Variants in DLGAP1 observed in about 807,000 individuals in gnomAD.
DLGAP1 encodes disks large-associated protein 1.
A neutral mutation model predicts 90.8 loss-of-function variants in DLGAP1; 11 were observed. The observed-to-expected ratio is 0.12, with a 90% CI of 0.08 to 0.20. DLGAP1 has a LOEUF of 0.20. Ranked by LOEUF, DLGAP1 falls within the 10% of genes least tolerant of loss-of-function variation. The pLI is 1.00. For missense variants in DLGAP1, 1,050 were observed against 1,333.8 expected, an observed-to-expected ratio of 0.79 and a Z score of 3.31; for synonymous variants, 558 against 540.7, an observed-to-expected ratio of 1.03 and a Z score of -0.44.
At chr18:4,373,551 C>A (rs757534375) in intron 1 of DLGAP1, among the ~76,000 whole-genome samples, 6 of 152,196 alleles carry the variant, frequency 3.9e-5, no homozygotes, top group Non-Finnish European at 7.3e-5. Context: ...TGCATCTGCA[C>A]ACACATAAGC....
intron 1 of DLGAP1, among the ~76,000 whole-genome samples, chr18:4,256,617 G>A (rs1740572998): frequency 1.3e-5 from 2 of 151,824 alleles, no homozygotes; most frequent in African/African-American, 2.4e-5. Flanking sequence ...TCATACATAC[G>A]TGCTGAAGTT....
intron 1 of DLGAP1, among the ~76,000 whole-genome samples, chr18:4,209,780 G>A (rs2077803603): frequency 6.6e-6 from 1 of 152,126 alleles, no homozygotes; most frequent in African/African-American, 2.4e-5. Context: ...TATGTTAGGT[G>A]GAGTGAATAT....
In DLGAP1 at chr18:3,711,920, T is replaced by C. The variant is rs559562458; in HGVS notation, c.1591+17215A>G. Among the ~76,000 whole-genome samples, 1 of 150,052 alleles carries C rather than the reference T, an allele frequency of 6.7e-6. No individual in the cohort carries two copies. The highest frequency in any genetic ancestry group is 2.5e-5 in the African/African-American group (1 of 40,726). On this transcript the variant is annotated intron_variant, in intron 7 of 12. Coordinates refer to ENST00000315677, the MANE Select transcript of DLGAP1 (RefSeq NM_004746.4). This position sits in a 1 kb window ranked among gnomAD's most constrained non-coding sequence, Gnocchi z 4.0. Reference sequence around the variant, plus strand: ...GAGGTTGTGGTTTAGGGATGGGGAGTGTGGGGATGGGCTGTGGGAAGGGAG... The same window carrying C: ...GAGGTTGTGGTTTAGGGATGGGGAGCGTGGGGATGGGCTGTGGGAAGGGAG...
chr18:3,548,951 T>C (rs943500188), intron 9 of DLGAP1, among the ~76,000 whole-genome samples: 9 of 152,120 alleles, frequency 5.9e-5, no homozygotes, highest in African/African-American at 2.2e-4. Context: ...GCAGGGGAAT[T>C]GCTTGAACCT....
chr18:3,981,028 C>T (rs9959134), intron 3 of DLGAP1, among the ~76,000 whole-genome samples: 57,551 of 151,984 alleles, frequency 0.38, 11,196 homozygotes, highest in Non-Finnish European at 0.42. Flanking sequence ...AGTTCTTTTT[C>T]ATATAGATTC....
rs1051710777 is a variant in DLGAP1, at chr18:3,782,133, C to T, written c.1172+31926G>A. Among the ~76,000 whole-genome samples the T allele has an allele frequency of 1.7e-4, 26 of 151,470 alleles. No homozygotes were observed. The East Asian group carries it at 1.7e-3, about 10-fold the overall frequency. ...CAATGATCATTAAAGTTCACTTTTG[C>T]TCTAAGATTTTTTTTTTTTTTTGGA... On this transcript the variant is annotated intron_variant, in intron 5 of 12. Coordinates refer to ENST00000315677, the MANE Select transcript of DLGAP1 (RefSeq NM_004746.4).
At chr18:4,257,620 CT>C (rs1260942476) in intron 1 of DLGAP1, among the ~76,000 whole-genome samples, 1 of 151,300 alleles carries the variant, frequency 6.6e-6, no homozygotes, top group Non-Finnish European at 1.5e-5. Context: ...TTTTCTTTTT[CT>C]TTTCCTTTCT....
intron 1 of DLGAP1, among the ~76,000 whole-genome samples, chr18:4,298,230 C>T (rs942340355): frequency 1.9e-4 from 29 of 152,104 alleles, no homozygotes; most frequent in African/African-American, 6.5e-4. Flanking sequence ...TTGCATCCCC[C>T]GCGAATACTG....
chr18:4,421,719 T>C (rs1300334683), intron 1 of DLGAP1, among the ~76,000 whole-genome samples: 1 of 152,168 alleles, frequency 6.6e-6, no homozygotes, highest in Non-Finnish European at 1.5e-5. Flanking sequence ...TTTATTTTTA[T>C]TTTTTGGGGG....
chr18:3,952,061 G>C (rs552641197), intron 3 of DLGAP1, among the ~76,000 whole-genome samples: 3 of 152,274 alleles, frequency 2.0e-5, no homozygotes, highest in African/African-American at 7.2e-5. Flanking sequence ...AAAACGTAGA[G>C]AAATTTCTAT....
chr18:3,908,240 T>C (rs1201115814), intron 3 of DLGAP1, among the ~76,000 whole-genome samples: 1 of 152,124 alleles, frequency 6.6e-6, no homozygotes, highest in Non-Finnish European at 1.5e-5. Context: ...AGAGACAGTG[T>C]AATGGGGGAG....
intron 3 of DLGAP1, among the ~76,000 whole-genome samples, chr18:3,928,471 G>C (rs2072442364): frequency 6.6e-6 from 1 of 152,184 alleles, no homozygotes; most frequent in Admixed American, 6.5e-5. Flanking sequence ...TTTAGCACAA[G>C]TGAAGAGAGA....
chr18:3,535,426 G>A (rs1355590596), intron 9 of DLGAP1, among the ~76,000 whole-genome samples: 1 of 152,132 alleles, frequency 6.6e-6, no homozygotes, highest in Non-Finnish European at 1.5e-5. Context: ...AGGGAAAAAG[G>A]GCCGGGCGTG....
intron 3 of DLGAP1, among the ~76,000 whole-genome samples, chr18:3,952,379 T>C (rs566600089): frequency 6.6e-6 from 1 of 152,316 alleles, no homozygotes; most frequent in South Asian, 2.1e-4. Flanking sequence ...GGGGGGAGGA[T>C]TCCCACTGAG....
intron 2 of DLGAP1, chr18:4,013,814 T>C (rs1357677720): frequency 6.6e-6 from 1 of 152,238 alleles, no homozygotes; most frequent in African/African-American, 2.4e-5. Context: ...AATCTACTTA[T>C]GATGATTGAG....
Position 4,204,530 on chromosome 18 carries a change from T to TG in DLGAP1, c.-266-53244_-266-53243insC, listed in dbSNP as rs1340359140. ...GTGGTTTTTTTTTTGTTTTTGTTTT[T>TG]TTTTCTGACCGCAGTGCATCACATT... On this transcript the variant is annotated intron_variant, in intron 1 of 12. Coordinates refer to ENST00000315677, the MANE Select transcript of DLGAP1 (RefSeq NM_004746.4). Among the ~76,000 whole-genome samples the TG allele has an allele frequency of 4.7e-4, 72 of 152,204 alleles. 1 individual carries two copies. The highest frequency in any genetic ancestry group is 1.6e-3 in the African/African-American group (68 of 41,534).
intron 7 of DLGAP1, among the ~76,000 whole-genome samples, chr18:3,609,783 C>T (rs1461709014): frequency 2.6e-5 from 4 of 151,080 alleles, no homozygotes; most frequent in Non-Finnish European, 5.9e-5. Flanking sequence ...GGAGGCCGGG[C>T]GCGGTGGCTC....
chr18:4,213,115 G>T (rs1381316228), intron 1 of DLGAP1, among the ~76,000 whole-genome samples: 1 of 152,154 alleles, frequency 6.6e-6, no homozygotes, highest in Non-Finnish European at 1.5e-5. Context: ...AGACTTTGAA[G>T]GTATAAAGAT....
At chr18:3,877,434 G>T (rs925332209) in intron 4 of DLGAP1, among the ~76,000 whole-genome samples, 36 of 152,242 alleles carry the variant, frequency 2.4e-4, no homozygotes, top group African/African-American at 8.2e-4. Context: ...ACTTACTTAA[G>T]TACAGGTGTT....
Sources: allele counts gnomAD v4.1 joint callset (sites outside exome capture counted in the v4.1 genomes callset), GRCh38; gene constraint gnomAD v4.1.1; non-coding constraint Gnocchi (gnomAD v3.1); transcripts MANE v1.5; gene names NCBI Gene and HGNC (gene_info 2026-07-23, HGNC 2026-07-21).